The following XRRA1 variants were observed in gnomAD, a reference collection of about 807,000 sequenced individuals.
XRRA1 encodes the protein X-ray radiation resistance associated 1.
In XRRA1, 69 loss-of-function variants were observed where a neutral mutation model predicts 80.2. The ratio of observed to expected loss-of-function variants is 0.86; its 90% confidence interval spans 0.71 to 1.05. XRRA1 has a LOEUF of 1.05. Among genes scored for constraint, XRRA1 ranks in the 50% least tolerant of loss-of-function variants. XRRA1 has a pLI of 0.00. For synonymous variants in XRRA1, 348 were observed against 389.9 expected (o/e 0.89, Z 1.27); for missense variants, 967 against 976.4 (o/e 0.99, Z 0.13).
intron 10 of XRRA1, among the ~76,000 whole-genome samples, chr11:74,890,138 C>G (rs2050247750): frequency 1.3e-5 from 2 of 152,146 alleles, no homozygotes; most frequent in African/African-American, 4.8e-5. Flanking sequence ...CAAAATTGAC[C>G]ACACAGTTGG....
chr11:74,943,863 C>T (rs922984475), intron 2 of XRRA1, among the ~76,000 whole-genome samples: 1 of 152,008 alleles, frequency 6.6e-6, no homozygotes, highest in African/African-American at 2.4e-5. Flanking sequence ...ACTTTGTCAC[C>T]TAGGCTACAG....
chr11:74,877,245 C>T (rs1425422761), intron 10 of XRRA1, among the ~76,000 whole-genome samples: 2 of 152,130 alleles, frequency 1.3e-5, no homozygotes, highest in African/African-American at 4.8e-5. Flanking sequence ...TAAAAGATAG[C>T]CCAGGCCTAC....
At chr11:74,848,544 G>A (rs1312519965) in intron 14 of XRRA1, 82 bp from the exon 15 acceptor site, 3 of 1,284,990 alleles carry the variant, frequency 2.3e-6, no homozygotes, top group South Asian at 2.9e-5. Context: ...AAGGCCACTT[G>A]TATAGCAGCC....
At chr11:74,869,897 C>G (rs899711939) in intron 10 of XRRA1, among the ~76,000 whole-genome samples, 44 of 152,298 alleles carry the variant, frequency 2.9e-4, no homozygotes, top group African/African-American at 1.0e-3. Context: ...CCACTCTTAA[C>G]CTCACTCTTT....
At position 74,851,192 on chromosome 11, in the gene XRRA1, G is replaced by A; in HGVS notation, c.1276C>T (p.Leu426=). Residue 426 remains leucine, a synonymous_variant, in exon 14 of 19, where the codon CTG becomes TTG. Coordinates refer to ENST00000684022, the MANE Select transcript of XRRA1 (RefSeq NM_001378157.1). ...LVAHTRGVPP[L]LKSFLQERLG... Reference sequence around the variant, plus strand: ...CGCTCCTGGAGGAAGCTCTTCAGCAGTGGAGGGACCCCTGGTGCCATGATG... The same window carrying A: ...CGCTCCTGGAGGAAGCTCTTCAGCAATGGAGGGACCCCTGGTGCCATGATG... The A allele has an allele frequency of 6.2e-7, 1 of 1,609,308 alleles. No individual in the cohort carries two copies. Among genetic ancestry groups the A allele is most frequent in the Non-Finnish European group, 8.5e-7 (1 of 1,178,236 alleles).
intron 16 of XRRA1, among the ~76,000 whole-genome samples, chr11:74,844,776 C>T (rs565090594): frequency 1.3e-5 from 2 of 152,360 alleles, no homozygotes; most frequent in Admixed American, 6.5e-5. Flanking sequence ...TCATTCATCA[C>T]ACTTTTCCTG....
At chr11:74,895,802 A>T (rs957420822) in intron 10 of XRRA1, among the ~76,000 whole-genome samples, 1 of 152,134 alleles carries the variant, frequency 6.6e-6, no homozygotes, top group Middle Eastern at 3.2e-3. Context: ...AACATTTCTA[A>T]ACACACTCTT....
chr11:74,872,445 C>A (rs987160249), intron 10 of XRRA1, among the ~76,000 whole-genome samples: 1 of 152,134 alleles, frequency 6.6e-6, no homozygotes, highest in African/African-American at 2.4e-5. Flanking sequence ...CAGAAGGCGG[C>A]CCTGGAGAAA....
intron 10 of XRRA1, among the ~76,000 whole-genome samples, chr11:74,889,892 T>G (rs112039406): frequency 6.6e-6 from 1 of 152,174 alleles, no homozygotes; most frequent in Non-Finnish European, 1.5e-5. Flanking sequence ...AGCACCCAGA[T>G]TCATAAAGCA....
intron 8 of XRRA1, among the ~76,000 whole-genome samples, chr11:74,912,683 T>C (rs2056174641): frequency 6.6e-6 from 1 of 152,196 alleles, no homozygotes. Flanking sequence ...ACCCTTGATC[T>C]GGTGGGCAAA....
chr11:74,930,861 G>C (rs914465082), intron 5 of XRRA1, among the ~76,000 whole-genome samples: 3 of 152,134 alleles, frequency 2.0e-5, no homozygotes, highest in African/African-American at 7.2e-5. Context: ...TTGGAGTGCA[G>C]TGACACAATC....
At chr11:74,879,963 A>G (rs1480028791) in intron 10 of XRRA1, among the ~76,000 whole-genome samples, 1 of 151,988 alleles carries the variant, frequency 6.6e-6, no homozygotes, top group Non-Finnish European at 1.5e-5. Flanking sequence ...TTGGTATCAG[A>G]ATGATGCTGG....
At position 74,848,404 on chromosome 11, in the gene XRRA1, A is replaced by G. The variant is rs1380262319; in HGVS notation, c.1439T>C (p.Met480Thr). 6.2e-7 allele frequency: 1 copy of G among 1,613,876 alleles called. No individual in the cohort carries two copies. Among genetic ancestry groups the G allele is most frequent in the South Asian group, 1.1e-5 (1 of 91,074 alleles). The change falls in exon 15 of 19, where the codon ATG becomes ACG. Residue 480 changes from methionine (M) to threonine (T), a missense_variant. Physicochemically the swap from Met to Thr is moderately conservative, Grantham distance 81 (BLOSUM62 -1). Coordinates refer to ENST00000684022, the MANE Select transcript of XRRA1 (RefSeq NM_001378157.1). ...CTTTGAGGGAGACTTGGTTGTCGTC[A>G]TGCGCGGGTGATGGAGCACCAGAGG... Reference protein sequence around the residue: ...KQPLVLHHPRMTTTKSPSKDM... With the variant: ...KQPLVLHHPRTTTTKSPSKDM...
chr11:74,891,355 C>G (rs1035845707), intron 10 of XRRA1, among the ~76,000 whole-genome samples: 65 of 152,108 alleles, frequency 4.3e-4, no homozygotes, highest in African/African-American at 1.5e-3. Flanking sequence ...ATTCAACAGC[C>G]CTTCATGCTA....
chr11:74,933,205 AC>A (rs756307709), intron 5 of XRRA1: 5 of 152,294 alleles, frequency 3.3e-5, no homozygotes, highest in Non-Finnish European at 7.3e-5. Context: ...TGAATTATGT[AC>A]CCACAAAATT....
At chr11:74,940,927 G>C in intron 2 of XRRA1, 45 bp from the exon 3 acceptor site, 1 of 1,392,406 alleles carries the variant, frequency 7.2e-7, no homozygotes, top group Non-Finnish European at 1.0e-6. Flanking sequence ...GAGTGAAAAG[G>C]CACAGCAGAG....
At chr11:74,919,284 C>T (rs73496930) in intron 8 of XRRA1, among the ~76,000 whole-genome samples, 8,197 of 151,738 alleles carry the variant, frequency 0.054, 309 homozygotes, top group South Asian at 0.21. Flanking sequence ...CAGGAGGGGG[C>T]GTGATGGGGG....
chr11:74,903,459 T>A (rs2053955752), intron 10 of XRRA1, among the ~76,000 whole-genome samples: 1 of 152,186 alleles, frequency 6.6e-6, no homozygotes, highest in East Asian at 1.9e-4. Flanking sequence ...ATCCCAACAC[T>A]TTGGGAGGCT....
intron 1 of XRRA1, among the ~76,000 whole-genome samples, chr11:74,946,740 A>AC (rs1423905603): frequency 2.7e-5 from 4 of 149,424 alleles, no homozygotes; most frequent in African/African-American, 9.8e-5. Flanking sequence ...CCTGGGTCCT[A>AC]CTTACCTCTT....
Sources: gnomAD v4.1 joint callset for allele counts (sites outside exome capture counted in the v4.1 genomes callset) on GRCh38, gnomAD v4.1.1 for gene constraint, MANE v1.5 for transcripts, NCBI Gene and HGNC (gene_info 2026-07-23, HGNC 2026-07-21) for gene names.